The following FGFR1OP2 variants were observed in gnomAD, a reference collection of about 807,000 sequenced individuals.
FGFR1OP2 encodes the protein fibroblast growth factor receptor 1 oncogene partner 2.
In FGFR1OP2, 17 loss-of-function variants were observed where a neutral mutation model predicts 35.2. The observed-to-expected ratio is 0.48, with a 90% CI of 0.33 to 0.73. FGFR1OP2 has a LOEUF of 0.73. Ranked by LOEUF, FGFR1OP2 falls within the 30% of genes least tolerant of loss-of-function variation. FGFR1OP2 has a pLI of 0.02. For missense variants in FGFR1OP2, 251 were observed against 307.3 expected, an observed-to-expected ratio of 0.82 and a Z score of 1.37; for synonymous variants, 105 against 104.6, an observed-to-expected ratio of 1.00 and a Z score of -0.03.
intron 1 of FGFR1OP2, among the ~76,000 whole-genome samples, chr12:26,941,484 G>A (rs367871095): frequency 1.3e-5 from 2 of 152,280 alleles, no homozygotes; most frequent in East Asian, 1.9e-4. Context: ...AAAAAATTAT[G>A]CTTTGAGCTA....
In FGFR1OP2 at chr12:26,958,362, T is replaced by TA. The variant is rs1345965844; in HGVS notation, c.396+625dup. On this transcript the variant is annotated intron_variant, in intron 4 of 6. Coordinates refer to ENST00000229395, the MANE Select transcript of FGFR1OP2 (RefSeq NM_015633.3). ...GACAACCGAGTGAGACCCTGTCTCTTAAAAAACAGAAATTTTTTTAAGAAA... is the reference window on the plus strand; with the variant it reads ...GACAACCGAGTGAGACCCTGTCTCTTAAAAAAACAGAAATTTTTTTAAGAAA... Among the ~76,000 whole-genome samples, 13 of 152,348 alleles carry TA rather than the reference T, an allele frequency of 8.5e-5. No individual in the cohort carries two copies. The East Asian group carries it at 2.3e-3, about 27-fold the overall frequency.
chr12:26,964,810 C>T lies in FGFR1OP2; in HGVS notation c.*77C>T. On this transcript the variant is annotated 3_prime_UTR_variant, in exon 7 of 7. Transcript: ENST00000229395. The stretch of plus-strand genomic sequence containing the variant: ...TGAATGAATGAATGGACAGAAAATT[C>T]AATCCTTTATTTTTTTCTCTGTAAA... 2 of 1,505,612 alleles carry T rather than the reference C, an allele frequency of 1.3e-6. No homozygotes were observed. Among genetic ancestry groups the T allele is most frequent in the South Asian group, 2.4e-5 (2 of 84,946 alleles). The allele number at this position is 1,505,612 out of a possible 1,614,324, so 93.3% of individuals were successfully genotyped here.
chr12:26,964,642 C>T lies in FGFR1OP2; in HGVS notation c.671C>T (p.Ser224Leu). The part of the protein sequence containing the change: ...LREILQITRE[S>L]FLNLRKDDAS... ...GAGATCCTTCAAATAACTCGAGAAT[C>T]ATTTTTGAACCTAAGGAAAGATGAT... is the stretch of plus-strand genomic sequence containing the variant. The change falls in exon 7 of 7, where the codon TCA becomes TTA. Residue 224 changes from serine (S) to leucine (L), a missense_variant. Coordinates refer to ENST00000229395, the MANE Select transcript of FGFR1OP2 (RefSeq NM_015633.3). 2 of 1,613,086 alleles carry T rather than the reference C, an allele frequency of 1.2e-6. No individual in the cohort carries two copies. Among genetic ancestry groups the T allele is most frequent in the South Asian group, 1.1e-5 (1 of 91,030 alleles).
intron 4 of FGFR1OP2, 23 bp downstream of exon 4, chr12:26,957,766 C>A (rs1430642871): frequency 1.3e-6 from 2 of 1,562,054 alleles, no homozygotes; most frequent in South Asian, 2.4e-5. Flanking sequence ...ATAAATGTGA[C>A]CTGAAATGGA....
chr12:26,955,869 TG>T (rs1939009931), intron 2 of FGFR1OP2, among the ~76,000 whole-genome samples: 1 of 152,224 alleles, frequency 6.6e-6, no homozygotes, highest in Admixed American at 6.5e-5. Context: ...ATAATAACTC[TG>T]TTAAAATTTT....
chr12:26,959,875 G>A (rs1939078196), intron 4 of FGFR1OP2, among the ~76,000 whole-genome samples: 1 of 152,162 alleles, frequency 6.6e-6, no homozygotes, highest in Non-Finnish European at 1.5e-5. Flanking sequence ...CAAGCTTGCA[G>A]TATAGTGGGA....
chr12:26,941,134 C>T (rs1280306351), intron 1 of FGFR1OP2, among the ~76,000 whole-genome samples: 1 of 151,386 alleles, frequency 6.6e-6, no homozygotes, highest in Non-Finnish European at 1.5e-5. Flanking sequence ...AGAGATTCAC[C>T]TGTAATTTGG....
intron 1 of FGFR1OP2, among the ~76,000 whole-genome samples, chr12:26,952,711 T>C (rs1487516560): frequency 4.0e-5 from 6 of 151,528 alleles, no homozygotes; most frequent in African/African-American, 1.5e-4. Flanking sequence ...GGATAATCAT[T>C]AATTGGACTA....
intron 5 of FGFR1OP2, chr12:26,961,559 A>C (rs1271472661): frequency 6.6e-6 from 1 of 152,118 alleles, no homozygotes; most frequent in Non-Finnish European, 1.5e-5. Flanking sequence ...CAACATGGTG[A>C]AACCCCATCT....
chr12:26,950,213 G>GTTTTTTTTTTTTTTTTTTTTTTTTT lies in FGFR1OP2; in HGVS notation c.-14-3930_-14-3906dup, dbSNP rs1174799685. ...CCATCAAGTAGTTAATGTATTCGTT[G>GTTTTTTTTTTTTTTTTTTTTTTTTT]TTTTTTTTTTTTTTTTTTTTTTTTT... On this transcript the variant is annotated intron_variant, in intron 1 of 6. Transcript: ENST00000229395. Among the ~76,000 whole-genome samples, 17 of 50,942 alleles carry GTTTTTTTTTTTTTTTTTTTTTTTTT rather than the reference G, an allele frequency of 3.3e-4. 6 individuals carry two copies. Among genetic ancestry groups the GTTTTTTTTTTTTTTTTTTTTTTTTT allele is most frequent in the South Asian group, 2.1e-3 (2 of 952 alleles). The allele number at this position is 50,942 out of a possible 152,430, so 33.4% of individuals were successfully genotyped here. A position where few individuals can be genotyped will look rare whatever the true frequency, so the allele number is the denominator to read the frequency against.
chr12:26,950,207 T>A (rs1938897435), intron 1 of FGFR1OP2, among the ~76,000 whole-genome samples: 1 of 133,220 alleles, frequency 7.5e-6, no homozygotes, highest in Non-Finnish European at 1.6e-5. Flanking sequence ...AGTTAATGTA[T>A]TCGTTGTTTT....
chr12:26,953,318 G>GGGTAAA (rs58329571), intron 1 of FGFR1OP2, among the ~76,000 whole-genome samples: 1 of 149,878 alleles, frequency 6.7e-6, no homozygotes, highest in Non-Finnish European at 1.5e-5. Context: ...AGGAGGGTAA[G>GGGTAAA]TGTAAGTTTC....
At chr12:26,956,503 TGC>T in intron 2 of FGFR1OP2, 38 bp from the exon 3 acceptor site, 1 of 575,068 alleles carries the variant, frequency 1.7e-6, no homozygotes. Flanking sequence ...TATATATATT[TGC>T]AGGTATTTTC....
chr12:26,957,496 G>C lies in FGFR1OP2; in HGVS notation c.254-105G>C, dbSNP rs148293272. The C allele has an allele frequency of 1.5e-5, 15 of 984,280 alleles. No individual in the cohort carries two copies. The East Asian group carries it at 3.8e-4, about 25-fold the overall frequency. 61.0% of individuals were successfully genotyped at this position (984,280 alleles called of 1,614,324 possible). A position where few individuals can be genotyped will look rare whatever the true frequency, so the allele number is the denominator to read the frequency against. ...TTATATGGCTAGATTTTTGTGCATT[G>C]TGTTTTCTTTTTAAAATGTCCCGTT... On this transcript the variant is annotated intron_variant, in intron 3 of 6. Coordinates refer to ENST00000229395, the MANE Select transcript of FGFR1OP2 (RefSeq NM_015633.3).
chr12:26,956,734 C>G (rs952385075), intron 3 of FGFR1OP2, 74 bp downstream of exon 3: 2 of 767,214 alleles, frequency 2.6e-6, no homozygotes, highest in Non-Finnish European at 2.0e-6. Context: ...TGCTCTTTAT[C>G]CTGTCCCACA....
chr12:26,963,307 T>G (rs1395882199), intron 5 of FGFR1OP2, 35 bp from the exon 6 acceptor site: 1 of 1,413,086 alleles, frequency 7.1e-7, no homozygotes, highest in East Asian at 2.3e-5. Context: ...AAAAAAGTAT[T>G]TTGCTGATTT....
intron 1 of FGFR1OP2, among the ~76,000 whole-genome samples, chr12:26,947,582 A>G (rs898814807): frequency 3.3e-5 from 5 of 152,198 alleles, no homozygotes; most frequent in Middle Eastern, 3.4e-3. Context: ...GGGTTTTGCC[A>G]TGTTGCCCAG....
chr12:26,947,667 C>G (rs1322515148), intron 1 of FGFR1OP2, among the ~76,000 whole-genome samples: 1 of 152,140 alleles, frequency 6.6e-6, no homozygotes, highest in Non-Finnish European at 1.5e-5. Context: ...CAGGTGTGAG[C>G]CACTATGCCC....
chr12:26,943,715 C>T (rs1245893456), intron 1 of FGFR1OP2, among the ~76,000 whole-genome samples: 1 of 152,156 alleles, frequency 6.6e-6, no homozygotes, highest in Non-Finnish European at 1.5e-5. Context: ...ATCTCAGCTA[C>T]TCTGGAGGCT....
Sources: allele counts gnomAD v4.1 joint callset (sites outside exome capture counted in the v4.1 genomes callset), GRCh38; gene constraint gnomAD v4.1.1; transcripts MANE v1.5; gene names NCBI Gene and HGNC (gene_info 2026-07-23, HGNC 2026-07-21).